The following TRIM16 variants were observed in gnomAD, a reference collection of about 807,000 sequenced individuals.
TRIM16 encodes the protein tripartite motif-containing protein 16.
A neutral mutation model predicts 50.4 loss-of-function variants in TRIM16; 33 were observed. The observed-to-expected ratio is 0.65, with a 90% CI of 0.50 to 0.88. TRIM16 has a LOEUF of 0.88. Ranked by LOEUF, TRIM16 falls within the 40% of genes least tolerant of loss-of-function variation. The pLI is 0.00. For missense variants in TRIM16, 581 were observed against 686.8 expected, an observed-to-expected ratio of 0.85 and a Z score of 1.72; for synonymous variants, 229 against 270.7, an observed-to-expected ratio of 0.85 and a Z score of 1.51.
chr17:15,665,179 T>A (rs1330340875), intron 6 of TRIM16, among the ~76,000 whole-genome samples: 3 of 152,128 alleles, frequency 2.0e-5, no homozygotes, highest in Non-Finnish European at 4.4e-5. Flanking sequence ...CTTTTCATTA[T>A]TTAATGGCAT....
intron 7 of TRIM16, among the ~76,000 whole-genome samples, chr17:15,647,518 C>A (rs1181946547): frequency 6.6e-5 from 10 of 152,030 alleles, no homozygotes; most frequent in Admixed American, 1.3e-4. Context: ...AGATCTAGGA[C>A]AAGGCTCAGC....
intron 7 of TRIM16, among the ~76,000 whole-genome samples, chr17:15,646,012 C>G (rs1287683473): frequency 6.6e-6 from 1 of 152,164 alleles, no homozygotes; most frequent in Non-Finnish European, 1.5e-5. Flanking sequence ...TCAGAACACA[C>G]CCTAGCAACA....
intron 7 of TRIM16, among the ~76,000 whole-genome samples, chr17:15,647,938 A>G (rs146254939): frequency 0.011 from 1,748 of 152,170 alleles, 17 homozygotes; most frequent in Middle Eastern, 0.044. Flanking sequence ...TCTTAAAACC[A>G]AAGGGGGCCG....
intron 8 of TRIM16, among the ~76,000 whole-genome samples, chr17:15,636,791 C>A (rs886918): frequency 1.4e-5 from 2 of 145,882 alleles, no homozygotes; most frequent in African/African-American, 5.0e-5. Flanking sequence ...AGGGTGCAGA[C>A]GACCATGGCA....
chr17:15,664,343 T>C (rs1391451539), intron 6 of TRIM16, among the ~76,000 whole-genome samples: 2 of 152,146 alleles, frequency 1.3e-5, no homozygotes, highest in African/African-American at 4.8e-5. Flanking sequence ...TGGCCACAAC[T>C]GGTTAGAGAA....
At chr17:15,641,067 G>A (rs1448061817) in intron 8 of TRIM16, among the ~76,000 whole-genome samples, 1 of 148,418 alleles carries the variant, frequency 6.7e-6, no homozygotes, top group Non-Finnish European at 1.5e-5. Context: ...CCCAACTGAG[G>A]CCATCCTGAG....
chr17:15,651,849 A>G lies in TRIM16; in HGVS notation c.-240T>C. 1.4e-6 allele frequency: 2 copies of G among 1,423,404 alleles called. No individual in the cohort carries two copies. Among genetic ancestry groups the G allele is most frequent in the Non-Finnish European group, 1.8e-6 (2 of 1,092,948 alleles). The allele number at this position is 1,423,404 out of a possible 1,614,324, so 88.2% of individuals were successfully genotyped here. A position where few individuals can be genotyped will look rare whatever the true frequency, so the allele number is the denominator to read the frequency against. On this transcript the variant is annotated 5_prime_UTR_variant, in exon 7 of 12. Transcript: ENST00000649191. ...GGCTCAGGACAGCCGGCTCAGGCTC[A>G]GGCTGCCTCCCCAGGTCCAGCCCTG... is the stretch of plus-strand genomic sequence containing the variant.
intron 8 of TRIM16, among the ~76,000 whole-genome samples, chr17:15,637,818 G>A (rs1174306392): frequency 8.1e-6 from 1 of 123,140 alleles, no homozygotes; most frequent in East Asian, 2.7e-4. Flanking sequence ...CGGGAAAGGT[G>A]GGGAAAAGAT....
At position 15,651,528 on chromosome 17, in the gene TRIM16, C is replaced by T; in HGVS notation, c.82G>A (p.Gly28Arg). 1 of 1,613,670 alleles carries T rather than the reference C, an allele frequency of 6.2e-7. No individual in the cohort carries two copies. Among genetic ancestry groups the T allele is most frequent in the Admixed American group, 1.7e-5 (1 of 59,974 alleles). Reference protein sequence around the residue: ...QPPAPLSPDSGSPSPDSGSAS... With the variant: ...QPPAPLSPDSRSPSPDSGSAS... ...GACCCAGAATCTGGGCTGGGTGACC[C>T]AGAGTCTGGGCTGAGAGGGGCTGGG... Residue 28 changes from glycine to arginine, a missense_variant, in exon 7 of 12, where the codon GGG (glycine) becomes AGG (arginine). Around this residue, in one of 3 missense-constraint regions of TRIM16, gnomAD observed 450 missense variants for 544.3 expected, o/e 0.83. Transcript: ENST00000649191.
chr17:15,644,918 C>A (rs1649348617), intron 7 of TRIM16, among the ~76,000 whole-genome samples: 1 of 151,950 alleles, frequency 6.6e-6, no homozygotes, highest in Non-Finnish European at 1.5e-5. Context: ...CGGGTTCATG[C>A]GATTCTCCTG....
At chr17:15,669,961 G>C (rs1988658385) in intron 6 of TRIM16, among the ~76,000 whole-genome samples, 1 of 152,136 alleles carries the variant, frequency 6.6e-6, no homozygotes, top group South Asian at 2.1e-4. Flanking sequence ...CTCCTGGAGG[G>C]GGAAAATCTC....
Position 15,658,719 on chromosome 17 carries a change from C to T in TRIM16, c.-337-6773G>A, listed in dbSNP as rs1158643321. ...TCCAAATTCACTTTGCAATTTTTCT[C>T]GTAAAATCTCAAAGTCTGAGAACCA... On this transcript the variant is annotated intron_variant, in intron 6 of 11. Transcript: ENST00000649191. 1.6e-5 allele frequency: 13 copies of T among 818,606 alleles called. No individual in the cohort carries two copies. In the East Asian group the frequency reaches 3.7e-4, roughly 24 times the overall value. The allele number at this position is 818,606 out of a possible 1,614,324, so 50.7% of individuals were successfully genotyped here. A position where few individuals can be genotyped will look rare whatever the true frequency, so the allele number is the denominator to read the frequency against.
In TRIM16 at chr17:15,636,834, A is replaced by G. The variant is rs530359167; in HGVS notation, c.616-565T>C. On this transcript the variant is annotated intron_variant, in intron 8 of 11. Coordinates refer to ENST00000649191, the MANE Select transcript of TRIM16 (RefSeq NM_001348119.1). The stretch of plus-strand genomic sequence containing the variant: ...AATTCCAGGACAAGCATGTATATGC[A>G]GAACAGAATGTGACATTCAAATAAA... Among the ~76,000 whole-genome samples, 176 of 149,282 alleles carry G rather than the reference A, an allele frequency of 1.2e-3. 17 individuals carry two copies. The highest frequency in any genetic ancestry group is 4.3e-3 in the African/African-American group (173 of 40,436).
intron 7 of TRIM16, 149 bp from the exon 8 acceptor site, chr17:15,642,965 G>A (rs1987184597): frequency 2.4e-5 from 11 of 466,846 alleles, no homozygotes; most frequent in Admixed American, 5.9e-5. Flanking sequence ...CGGGAGGCAC[G>A]AAGGGTTGGC....
chr17:15,637,447 C>A (rs1303951848), intron 8 of TRIM16, among the ~76,000 whole-genome samples: 88 of 109,506 alleles, frequency 8.0e-4, no homozygotes, highest in African/African-American at 3.3e-3. Flanking sequence ...AGGTGAGGGG[C>A]GCCTCTGCCC....
intron 6 of TRIM16, among the ~76,000 whole-genome samples, chr17:15,653,346 ACC>A (rs1218845085): frequency 1.3e-5 from 2 of 151,536 alleles, no homozygotes; most frequent in Admixed American, 1.3e-4. Flanking sequence ...CGTTACCCCC[ACC>A]CCCTCAGGTA....
At chr17:15,648,041 C>T (rs1229181154) in intron 7 of TRIM16, among the ~76,000 whole-genome samples, 5 of 151,712 alleles carry the variant, frequency 3.3e-5, no homozygotes, top group African/African-American at 9.7e-5. Context: ...CTGGCTAACA[C>T]GGTGAAACCC....
At chr17:15,661,980 C>G (rs1368764867) in intron 6 of TRIM16, among the ~76,000 whole-genome samples, 2 of 152,190 alleles carry the variant, frequency 1.3e-5, no homozygotes. Flanking sequence ...TTCTAAATAC[C>G]TCCTGGAAGA....
chr17:15,647,306 T>G (rs959102465), intron 7 of TRIM16, among the ~76,000 whole-genome samples: 3 of 152,136 alleles, frequency 2.0e-5, no homozygotes, highest in Non-Finnish European at 4.4e-5. Flanking sequence ...CACATACACC[T>G]ATCATCCACC....
Sources: allele counts gnomAD v4.1 joint callset (sites outside exome capture counted in the v4.1 genomes callset), GRCh38; gene constraint gnomAD v4.1.1; regional missense constraint gnomAD v4.1.1; transcripts MANE v1.5; gene names NCBI Gene and HGNC (gene_info 2026-07-23, HGNC 2026-07-21).